Variants in SPON1 observed in about 807,000 individuals in gnomAD.
The protein encoded by SPON1 is spondin-1.
A neutral mutation model predicts 111.7 loss-of-function variants in SPON1; 52 were observed. The ratio of observed to expected loss-of-function variants is 0.47; its 90% confidence interval spans 0.37 to 0.59. The LOEUF (loss-of-function observed/expected upper bound fraction) is 0.59, where lower values mean the gene tolerates loss of function less well. SPON1 is among the 20% of genes least tolerant of loss of function. The pLI, the probability that SPON1 is intolerant of heterozygous loss-of-function variation, is 0.00. For missense variants in SPON1, 957 were observed against 1,068.5 expected, an observed-to-expected ratio of 0.90 and a Z score of 1.46; for synonymous variants, 410 against 395.8, an observed-to-expected ratio of 1.04 and a Z score of -0.43.
At chr11:14,035,992 T>A (rs1446192022) in intron 2 of SPON1, among the ~76,000 whole-genome samples, 4 of 152,106 alleles carry the variant, frequency 2.6e-5, no homozygotes, top group Non-Finnish European at 5.9e-5. Context: ...ATGATGACTA[T>A]TTTTAAAAAG....
chr11:14,188,235 A>G (rs376832005), intron 6 of SPON1, among the ~76,000 whole-genome samples: 4 of 152,140 alleles, frequency 2.6e-5, no homozygotes, highest in African/African-American at 9.7e-5. Context: ...ACCAGCATTT[A>G]TATTTGATTC....
intron 6 of SPON1, among the ~76,000 whole-genome samples, chr11:14,210,517 GC>G (rs1280646989): frequency 6.6e-6 from 1 of 151,910 alleles, no homozygotes; most frequent in Non-Finnish European, 1.5e-5. Context: ...TCCTGCCTCA[GC>G]CTCCCGAGTA....
At chr11:14,183,272 A>G (rs1848253555) in intron 6 of SPON1, among the ~76,000 whole-genome samples, 1 of 152,176 alleles carries the variant, frequency 6.6e-6, no homozygotes. Context: ...TGGAGACACC[A>G]GGCATGCTAA....
Position 14,228,039 on chromosome 11 carries a change from C to T in SPON1, c.826-15293C>T, listed in dbSNP as rs1247024536. ...CAAAATAGTGATACTAATAATAACACAAATAAAACTGCAAACACTTTAAAT... is the reference window on the plus strand; with the variant it reads ...CAAAATAGTGATACTAATAATAACATAAATAAAACTGCAAACACTTTAAAT... On this transcript the variant is annotated intron_variant, in intron 6 of 15. Transcript: ENST00000576479. The surrounding 1 kb of genome is among the most constrained non-coding windows in gnomAD (Gnocchi z 4.2). Among the ~76,000 whole-genome samples, 4 of 152,192 alleles carry T rather than the reference C, an allele frequency of 2.6e-5. No individual in the cohort carries two copies. Among genetic ancestry groups the T allele is most frequent in the Non-Finnish European group, 5.9e-5 (4 of 68,026 alleles).
chr11:14,247,404 TAATG>T (rs1248347067), intron 7 of SPON1, among the ~76,000 whole-genome samples: 3 of 152,132 alleles, frequency 2.0e-5, no homozygotes, highest in Non-Finnish European at 4.4e-5. Flanking sequence ...TCTCAAATAA[TAATG>T]GTAAATCATT....
At position 14,049,098 on chromosome 11, in the gene SPON1, A is replaced by G. The variant is rs565818749; in HGVS notation, c.479+7444A>G. Among the ~76,000 whole-genome samples the G allele has an allele frequency of 4.6e-5, 7 of 152,286 alleles. No individual in the cohort carries two copies. The East Asian group carries it at 1.4e-3, about 29-fold the overall frequency. The stretch of plus-strand genomic sequence containing the variant: ...AGCTGAGGCACAGAGAGGTTCAGTA[A>G]TGTTCCCAAGGTCACAGAGTAAGTG... On this transcript the variant is annotated intron_variant, in intron 3 of 15. Transcript: ENST00000576479.
intron 4 of SPON1, among the ~76,000 whole-genome samples, chr11:14,076,213 T>C (rs11023076): frequency 0.2 from 31,039 of 152,128 alleles, 3,385 homozygotes; most frequent in Non-Finnish European, 0.23. Context: ...TTAAAAGTTA[T>C]TGGATAACTA....
chr11:14,090,035 T>C (rs1849037155), intron 5 of SPON1, among the ~76,000 whole-genome samples: 2 of 152,116 alleles, frequency 1.3e-5, no homozygotes, highest in Admixed American at 1.3e-4. Context: ...TTCAGACTGC[T>C]GTGCTGGCAG....
Position 14,259,564 on chromosome 11 carries a change from GCGAGTGGGA to G in SPON1, c.1701_1709del (p.Trp567_Glu569del), listed in dbSNP as rs1849148823. ...AGCAGCTGCCTGATGACCGAGTGGG[GCGAGTGGGA>G]CGAGTGCAGCGCCACCTGCGGCATG... is the stretch of plus-strand genomic sequence containing the variant. On this transcript the variant is annotated inframe_deletion, in exon 13 of 16. Transcript: ENST00000576479. This position sits in a 1 kb window ranked among gnomAD's most constrained non-coding sequence, Gnocchi z 5.0. The G allele has an allele frequency of 6.4e-7, 1 of 1,553,600 alleles. No homozygotes were observed. The highest frequency in any genetic ancestry group is 8.7e-7 in the Non-Finnish European group (1 of 1,148,638).
At chr11:14,043,067 A>G (rs1848644012) in intron 3 of SPON1, among the ~76,000 whole-genome samples, 1 of 152,246 alleles carries the variant, frequency 6.6e-6, no homozygotes, top group African/African-American at 2.4e-5. Context: ...ATGTCAATAT[A>G]TAACATGTCT....
chr11:14,120,371 A>G (rs1312488204), intron 5 of SPON1, among the ~76,000 whole-genome samples: 1 of 152,070 alleles, frequency 6.6e-6, no homozygotes, highest in Admixed American at 6.5e-5. Flanking sequence ...GGCCATGCCC[A>G]TATACCTCCC....
chr11:14,018,192 C>A (rs1591352465), intron 2 of SPON1, among the ~76,000 whole-genome samples: 1 of 152,174 alleles, frequency 6.6e-6, no homozygotes, highest in Non-Finnish European at 1.5e-5. Flanking sequence ...AATCCATTTA[C>A]AAGTAGCTAG....
chr11:14,127,592 C>T (rs1591382779), intron 5 of SPON1, among the ~76,000 whole-genome samples: 1 of 152,198 alleles, frequency 6.6e-6, no homozygotes, highest in African/African-American at 2.4e-5. Context: ...CTTTGAATCC[C>T]AGTGTCATAA....
intron 6 of SPON1, among the ~76,000 whole-genome samples, chr11:14,175,180 AGCAGTTTCTATT>A (rs797032217): frequency 3.7e-4 from 57 of 152,320 alleles, no homozygotes; most frequent in African/African-American, 1.3e-3. Flanking sequence ...TACAGCATTG[AGCAGTTTCTATT>A]GCTTTTCCCA....
intron 3 of SPON1, among the ~76,000 whole-genome samples, chr11:14,055,077 G>A (rs908372077): frequency 7.2e-5 from 11 of 152,058 alleles, no homozygotes; most frequent in Admixed American, 6.6e-4. Flanking sequence ...TGTGGCTTCC[G>A]GAGGTCTCAC....
chr11:14,101,723 A>G (rs1554924396), intron 5 of SPON1, among the ~76,000 whole-genome samples: 2 of 152,216 alleles, frequency 1.3e-5, no homozygotes, highest in Non-Finnish European at 2.9e-5. Context: ...AATTAAAGAG[A>G]AGAAAAAGCA....
intron 6 of SPON1, among the ~76,000 whole-genome samples, chr11:14,235,896 G>A (rs782281700): frequency 1.3e-5 from 2 of 152,122 alleles, no homozygotes; most frequent in African/African-American, 4.8e-5. Flanking sequence ...TGGTATCTGG[G>A]AGAACAGCAT....
intron 3 of SPON1, among the ~76,000 whole-genome samples, chr11:14,060,870 T>C (rs2133823034): frequency 6.6e-6 from 1 of 152,298 alleles, no homozygotes; most frequent in Admixed American, 6.5e-5. Context: ...TACTGTGCCA[T>C]GCACTGTGGG....
At chr11:14,003,898 AT>A (rs1848338999) in intron 2 of SPON1, among the ~76,000 whole-genome samples, 1 of 152,000 alleles carries the variant, frequency 6.6e-6, no homozygotes, top group African/African-American at 2.4e-5. Context: ...TATAACTGTT[AT>A]TTTGTATCCT....
Sources: allele counts gnomAD v4.1 joint callset (sites outside exome capture counted in the v4.1 genomes callset), GRCh38; gene constraint gnomAD v4.1.1; non-coding constraint Gnocchi (gnomAD v3.1); transcripts MANE v1.5; gene names NCBI Gene and HGNC (gene_info 2026-07-23, HGNC 2026-07-21).